CNOT4: variants seen among roughly 807,000 people sequenced by gnomAD.
The protein encoded by CNOT4 is CCR4-associated factor 4.
A neutral mutation model predicts 73.8 loss-of-function variants in CNOT4; 8 were observed. The ratio of observed to expected loss-of-function variants is 0.11; its 90% CI spans 0.06 to 0.20. CNOT4 has a LOEUF of 0.20. Among genes scored for constraint, CNOT4 ranks in the 10% least tolerant of loss-of-function variants. CNOT4 has a pLI of 1.00. For missense variants in CNOT4, 564 were observed against 883.4 expected (o/e 0.64, Z 4.58); for synonymous variants, 293 against 321.1 (o/e 0.91, Z 0.94).
rs546683236 is a variant in CNOT4 at position 135,416,091 on chromosome 7, T to C, written c.373-829A>G. Among the ~76,000 whole-genome samples, 4 of 152,316 alleles carry C rather than the reference T, an allele frequency of 2.6e-5. No individual in the cohort carries two copies. In the East Asian group the frequency reaches 7.7e-4, roughly 29 times the overall value. On this transcript the variant is annotated intron_variant, in intron 3 of 11. Coordinates refer to ENST00000541284, the MANE Select transcript of CNOT4 (RefSeq NM_001190850.2). ...ATAATTTGCAACTACCTCAAAATTCTGTTTTCCTAGAATGTATCTTTAGAC... is the reference window on the plus strand; with the variant it reads ...ATAATTTGCAACTACCTCAAAATTCCGTTTTCCTAGAATGTATCTTTAGAC...
intron 9 of CNOT4, among the ~76,000 whole-genome samples, chr7:135,395,245 G>T (rs1247245019): frequency 6.6e-6 from 1 of 151,958 alleles, no homozygotes; most frequent in African/African-American, 2.4e-5. Flanking sequence ...TTAACCAGGA[G>T]GCTGAGGTGG....
At chr7:135,393,559 T>C (rs1230613780) in intron 10 of CNOT4, among the ~76,000 whole-genome samples, 1 of 152,196 alleles carries the variant, frequency 6.6e-6, no homozygotes, top group Admixed American at 6.5e-5. Flanking sequence ...CATTTTACTT[T>C]AGAATATAAA....
chr7:135,431,584 A>C (rs1488984570), intron 2 of CNOT4, among the ~76,000 whole-genome samples: 1 of 152,074 alleles, frequency 6.6e-6, no homozygotes, highest in Non-Finnish European at 1.5e-5. Flanking sequence ...TCTACTAAAA[A>C]TACAAAAAAT....
chr7:135,443,030 G>T (rs1392732841), intron 1 of CNOT4, among the ~76,000 whole-genome samples: 2 of 151,954 alleles, frequency 1.3e-5, no homozygotes, highest in African/African-American at 4.8e-5. Context: ...CTGTACTCTA[G>T]CCTGGGTGAT....
At chr7:135,383,349 G>A (rs1279407492) in intron 10 of CNOT4, among the ~76,000 whole-genome samples, 5 of 141,902 alleles carry the variant, frequency 3.5e-5, no homozygotes, top group Non-Finnish European at 6.1e-5. Flanking sequence ...CACATCATCA[G>A]TAACATTTCT....
intron 1 of CNOT4, among the ~76,000 whole-genome samples, chr7:135,462,164 CA>C (rs1184945355): frequency 6.6e-6 from 1 of 151,630 alleles, no homozygotes; most frequent in Non-Finnish European, 1.5e-5. Context: ...GTAGATTTGA[CA>C]GGTGTAGGTT....
In CNOT4 at chr7:135,395,821, G is replaced by A. The variant is rs763252638; in HGVS notation, c.942C>T (p.Pro314=). The A allele has an allele frequency of 4.3e-6, 7 of 1,612,138 alleles. No homozygotes were observed. ...GTGCACTGTGATTGGATGAACTGAT[G>A]GGGATGACTGGATTGGATTTTGACA... ...PGLSKSNPVI[P]ISSSNHSARS... is the part of the protein sequence containing the mutation. Residue 314 remains proline, a synonymous_variant, in exon 9 of 12, where the codon CCC becomes CCT. Coordinates refer to ENST00000541284, the MANE Select transcript of CNOT4 (RefSeq NM_001190850.2).
At chr7:135,400,744 T>TA (rs961218575) in intron 7 of CNOT4, among the ~76,000 whole-genome samples, 2 of 152,168 alleles carry the variant, frequency 1.3e-5, no homozygotes, top group Non-Finnish European at 2.9e-5. Context: ...AAAGATGTTT[T>TA]AAAATTTGTA....
chr7:135,455,574 T>A (rs1563060734), intron 1 of CNOT4, among the ~76,000 whole-genome samples: 2 of 144,334 alleles, frequency 1.4e-5, no homozygotes, highest in Admixed American at 6.9e-5. Flanking sequence ...CCCACAGGTT[T>A]AAAAAAAAAA....
At chr7:135,465,806 G>T (rs1016646475) in intron 1 of CNOT4, among the ~76,000 whole-genome samples, 2 of 151,892 alleles carry the variant, frequency 1.3e-5, no homozygotes, top group Non-Finnish European at 2.9e-5. Context: ...CCAGCACTTT[G>T]GGAGGCCGAG....
intron 1 of CNOT4, among the ~76,000 whole-genome samples, chr7:135,501,897 T>C (rs1314557197): frequency 6.6e-6 from 1 of 152,168 alleles, no homozygotes; most frequent in Non-Finnish European, 1.5e-5. Context: ...TAATTGCCAG[T>C]GTGGTAGTAT....
At position 135,446,631 on chromosome 7, in the gene CNOT4, ACTC is replaced by A. The variant is rs1465174689; in HGVS notation, c.-92-8211_-92-8209del. Among the ~76,000 whole-genome samples the A allele has an allele frequency of 2.0e-5, 3 of 152,114 alleles. No individual in the cohort carries two copies. The East Asian group carries it at 5.8e-4, about 29-fold the overall frequency. ...CTGAATACAGTTACACAGAAATAAT[ACTC>A]CTAAGTATATACTATACAACCAAAG... is the stretch of plus-strand genomic sequence containing the variant. On this transcript the variant is annotated intron_variant, in intron 1 of 11. Coordinates refer to ENST00000541284, the MANE Select transcript of CNOT4 (RefSeq NM_001190850.2).
At chr7:135,404,554 C>G (rs775775845) in intron 7 of CNOT4, among the ~76,000 whole-genome samples, 2 of 152,150 alleles carry the variant, frequency 1.3e-5, no homozygotes, top group Non-Finnish European at 2.9e-5. Flanking sequence ...CCTTTTTCTA[C>G]AAATCTATGA....
intron 1 of CNOT4, among the ~76,000 whole-genome samples, chr7:135,474,299 T>C (rs892621596): frequency 1.4e-5 from 2 of 143,734 alleles, no homozygotes; most frequent in African/African-American, 2.7e-5. Context: ...TTTTTTTTTT[T>C]TTTGAGACAG....
chr7:135,377,804 A>G lies in CNOT4; in HGVS notation c.1628-13738T>C, dbSNP rs115055727. Among the ~76,000 whole-genome samples, 508 of 152,332 alleles carry G rather than the reference A, an allele frequency of 3.3e-3. 4 individuals are homozygous for G. The highest frequency in any genetic ancestry group is 0.012 in the African/African-American group (488 of 41,576). On this transcript the variant is annotated intron_variant, in intron 10 of 11. Coordinates refer to ENST00000541284, the MANE Select transcript of CNOT4 (RefSeq NM_001190850.2). ...TTGAATTAGGGACAGATTGCCAGAG[A>G]CAATCTTGACAGAACCAATTCTCAG... is the stretch of plus-strand genomic sequence containing the variant.
At chr7:135,444,625 G>A (rs1799705900) in intron 1 of CNOT4, 1 of 1,246,876 alleles carries the variant, frequency 8.0e-7, no homozygotes, top group African/African-American at 1.5e-5. Context: ...CACCATTCTG[G>A]TTCCAAGGCT....
intron 1 of CNOT4, among the ~76,000 whole-genome samples, chr7:135,471,532 T>C (rs957952007): frequency 1.5e-4 from 23 of 152,202 alleles, no homozygotes; most frequent in African/African-American, 5.1e-4. Flanking sequence ...AGAAATCTGA[T>C]AAAATTATGT....
chr7:135,494,838 T>C (rs1803360880), intron 1 of CNOT4, among the ~76,000 whole-genome samples: 1 of 152,178 alleles, frequency 6.6e-6, no homozygotes, highest in South Asian at 2.1e-4. Context: ...CCCTAAGACC[T>C]TTCCATTTAG....
intron 7 of CNOT4, among the ~76,000 whole-genome samples, chr7:135,406,274 G>A (rs1197283916): frequency 1.3e-5 from 2 of 151,234 alleles, no homozygotes; most frequent in Admixed American, 1.3e-4. Flanking sequence ...TTAGGTAACC[G>A]CATTAAAACA....
Sources: gnomAD v4.1 joint callset for allele counts (sites outside exome capture counted in the v4.1 genomes callset) on GRCh38, gnomAD v4.1.1 for gene constraint, MANE v1.5 for transcripts, NCBI Gene and HGNC (gene_info 2026-07-23, HGNC 2026-07-21) for gene names.